Variants in ZNF618 observed in about 807,000 individuals in gnomAD.
ZNF618 encodes zinc finger protein 618.
In ZNF618, 34 loss-of-function variants were observed where a neutral mutation model predicts 103.0. The observed-to-expected ratio is 0.33, with a 90% CI of 0.25 to 0.44. The LOEUF (loss-of-function observed/expected upper bound fraction) is 0.44. Among genes scored for constraint, ZNF618 ranks in the 20% least tolerant of loss-of-function variants. The probability of loss-of-function intolerance (pLI) is 1.00; values close to 1 mark genes in which losing one functional copy is unlikely to be tolerated. For missense variants in ZNF618, 1,059 were observed against 1,295.4 expected (o/e 0.82, Z 2.80); for synonymous variants, 551 against 542.2 (o/e 1.02, Z -0.23).
intron 12 of ZNF618, among the ~76,000 whole-genome samples, chr9:114,033,574 C>G (rs73658319): frequency 6.6e-6 from 1 of 151,960 alleles, no homozygotes; most frequent in East Asian, 1.9e-4. Context: ...CTTCCAGGAC[C>G]GCGGCAGAGC....
At chr9:113,968,588 G>A (rs1837652550) in intron 1 of ZNF618, among the ~76,000 whole-genome samples, 1 of 152,092 alleles carries the variant, frequency 6.6e-6, no homozygotes, top group African/African-American at 2.4e-5. Flanking sequence ...AATCAGAATT[G>A]TATGATTTCT....
intron 13 of ZNF618, among the ~76,000 whole-genome samples, chr9:114,040,650 G>A (rs1376232156): frequency 1.3e-5 from 2 of 152,272 alleles, no homozygotes; most frequent in East Asian, 1.9e-4. Context: ...TCCCTACAAA[G>A]GACATGAACT....
Position 114,048,663 on chromosome 9 carries a change from G to T in ZNF618, c.1361G>T (p.Gly454Val), listed in dbSNP as rs190597134. 1,320 of 1,612,234 alleles carry T rather than the reference G, an allele frequency of 8.2e-4. 8 individuals carry two copies. In the South Asian group the frequency reaches 9.0e-3, roughly 11 times the overall value. ...TGTCCTCTGCCAGCCACTACCAGTG[G>T]TTTAACACCCAACAGCATGATCCCC... ...RNSANNTTTS[G>V]LTPNSMIPEK... is the part of the protein sequence containing the mutation. Residue 454 changes from glycine to valine, a missense_variant, in exon 15 of 15, where the codon GGT becomes GTT. Physicochemically the swap from Gly to Val is moderately radical, Grantham distance 109 (BLOSUM62 -3). Transcript: ENST00000374126.
intron 10 of ZNF618, among the ~76,000 whole-genome samples, chr9:114,026,885 C>T (rs185662255): frequency 3.5e-4 from 53 of 151,920 alleles, no homozygotes; most frequent in South Asian, 1.2e-3. Flanking sequence ...AAACAAAGGC[C>T]GAGAGAGGGG....
intron 1 of ZNF618, among the ~76,000 whole-genome samples, chr9:113,885,701 C>T (rs570118710): frequency 6.6e-6 from 1 of 152,264 alleles, no homozygotes; most frequent in Admixed American, 6.5e-5. Context: ...GAGGACAGGC[C>T]ATCCTTAAAC....
At chr9:113,985,496 C>T (rs1839384178) in intron 2 of ZNF618, among the ~76,000 whole-genome samples, 2 of 152,360 alleles carry the variant, frequency 1.3e-5, no homozygotes, top group South Asian at 2.1e-4. Flanking sequence ...TGGTGTCCTG[C>T]AGCTAGGCGG....
chr9:113,890,134 A>G (rs1829480325), intron 1 of ZNF618, among the ~76,000 whole-genome samples: 2 of 152,200 alleles, frequency 1.3e-5, no homozygotes, highest in Admixed American at 1.3e-4. Context: ...TTAAATGTCT[A>G]CTAAGAGTTA....
chr9:113,976,042 C>G (rs879513914), intron 2 of ZNF618, among the ~76,000 whole-genome samples: 2 of 152,166 alleles, frequency 1.3e-5, no homozygotes, highest in Non-Finnish European at 2.9e-5. Flanking sequence ...TAATTAGTTA[C>G]CATTTACCAT....
intron 1 of ZNF618, among the ~76,000 whole-genome samples, chr9:113,912,111 T>C (rs779810652): frequency 6.6e-6 from 1 of 152,170 alleles, no homozygotes; most frequent in Admixed American, 6.5e-5. Context: ...GACCACACTT[T>C]GTGTGGCAGG....
At chr9:113,951,497 G>GTGTATAGA in intron 1 of ZNF618, among the ~76,000 whole-genome samples, 1 of 36,942 alleles carries the variant, frequency 2.7e-5, no homozygotes, top group African/African-American at 7.6e-5. Flanking sequence ...ATGTGTGTAT[G>GTGTATAGA]TGTACACATA....
chr9:113,927,796 G>A (rs72749942), intron 1 of ZNF618, among the ~76,000 whole-genome samples: 11,742 of 152,246 alleles, frequency 0.077, 618 homozygotes, highest in Non-Finnish European at 0.12. Flanking sequence ...ATTTCAAAAT[G>A]TTACTTTGTC....
At position 113,988,400 on chromosome 9, in the gene ZNF618, G is replaced by A. The variant is rs769920312; in HGVS notation, c.157G>A (p.Glu53Lys). The change falls in exon 3 of 15, where the codon GAG (glutamate) becomes AAG (lysine). Residue 53 changes from glutamate (E) to lysine (K), a missense_variant. By Grantham distance (56) the Glu-to-Lys change is moderately conservative (BLOSUM62 1). Coordinates refer to ENST00000374126, the MANE Select transcript of ZNF618 (RefSeq NM_001318042.2). Reference sequence around the variant, plus strand: ...GCCAGCCGAGGCCTCGCTGAGTGCCGAGCAAGGAACGATGACGGAGGTGAA... The same window carrying A: ...GCCAGCCGAGGCCTCGCTGAGTGCCAAGCAAGGAACGATGACGGAGGTGAA... ...PVPAEASLSA[E>K]QGTMTEVKVK... The A allele has an allele frequency of 2.4e-5, 38 of 1,613,516 alleles. No individual in the cohort carries two copies. Among genetic ancestry groups the A allele is most frequent in the Middle Eastern group, 1.6e-4 (1 of 6,084 alleles).
Position 114,052,434 on chromosome 9 carries a change from A to C in ZNF618, c.*2267A>C, listed in dbSNP as rs1846195834. ...TTATCAGAGAAGAGCCGCCATCCAC[A>C]CTGGAGCAGGAACAGGGAGAAATCC... On this transcript the variant is annotated 3_prime_UTR_variant, in exon 15 of 15. Coordinates refer to ENST00000374126, the MANE Select transcript of ZNF618 (RefSeq NM_001318042.2). 6.6e-6 allele frequency: 1 copy of C among 152,622 alleles called. No homozygotes were observed. The allele number at this position is 152,622 out of a possible 1,614,324, so 9.5% of individuals were successfully genotyped here. A position where few individuals can be genotyped will look rare whatever the true frequency, so the allele number is the denominator to read the frequency against.
At chr9:113,963,012 T>A (rs1182578646) in intron 1 of ZNF618, among the ~76,000 whole-genome samples, 1 of 152,326 alleles carries the variant, frequency 6.6e-6, no homozygotes, top group East Asian at 1.9e-4. Flanking sequence ...TTTTCCTTAT[T>A]TGAGTCTTGT....
chr9:114,007,238 T>C (rs1841833053), intron 6 of ZNF618, 112 bp from the exon 7 acceptor site: 1 of 841,606 alleles, frequency 1.2e-6, no homozygotes, highest in Non-Finnish European at 1.9e-6. Context: ...CTCCCTCCGC[T>C]AGCCAGACTG....
At chr9:113,877,173 G>T (rs1379488451) in intron 1 of ZNF618, among the ~76,000 whole-genome samples, 1 of 151,852 alleles carries the variant, frequency 6.6e-6, no homozygotes, top group Non-Finnish European at 1.5e-5. Context: ...ATATGTAAAT[G>T]AAAATTAAGC....
At chr9:113,911,305 T>G (rs1245407802) in intron 1 of ZNF618, among the ~76,000 whole-genome samples, 1 of 152,124 alleles carries the variant, frequency 6.6e-6, no homozygotes, top group East Asian at 1.9e-4. Flanking sequence ...CTTTTGACAT[T>G]TTGAGCTTTT....
At chr9:113,933,001 A>G (rs1255937719) in intron 1 of ZNF618, among the ~76,000 whole-genome samples, 2 of 152,278 alleles carry the variant, frequency 1.3e-5, no homozygotes, top group East Asian at 3.9e-4. Flanking sequence ...GAACCGGTCA[A>G]TGGACCAAGG....
intron 10 of ZNF618, chr9:114,027,921 T>G (rs1215874588): frequency 6.6e-6 from 1 of 152,358 alleles, no homozygotes; most frequent in Non-Finnish European, 1.5e-5. Flanking sequence ...GGATTTTGCA[T>G]GATCTCTGAG....
Sources: gnomAD v4.1 joint callset for allele counts (sites outside exome capture counted in the v4.1 genomes callset) on GRCh38, gnomAD v4.1.1 for gene constraint, MANE v1.5 for transcripts, NCBI Gene and HGNC (gene_info 2026-07-23, HGNC 2026-07-21) for gene names.